The following KCNJ4 variants were observed in gnomAD, a reference collection of about 807,000 sequenced individuals.
The protein encoded by KCNJ4 is inward rectifier potassium channel 4.
A neutral mutation model predicts 25.6 loss-of-function variants in KCNJ4; 3 were observed. That is an observed-to-expected ratio of 0.12 (90% CI 0.05 to 0.30). KCNJ4 has a LOEUF of 0.30. KCNJ4 is among the 10% of genes least tolerant of loss of function. The pLI, the probability that KCNJ4 is intolerant of heterozygous loss-of-function variation, is 1.00. For missense variants in KCNJ4, 286 were observed against 666.8 expected (o/e 0.43, Z 6.29); for synonymous variants, 257 against 283.9 (o/e 0.91, Z 0.95).
At chr22:38,451,045 C>A (rs1274708070) in intron 1 of KCNJ4, among the ~76,000 whole-genome samples, 1 of 152,128 alleles carries the variant, frequency 6.6e-6, no homozygotes, top group Non-Finnish European at 1.5e-5. Context: ...ATCTATAACA[C>A]GGGGACATCA....
At chr22:38,437,778 A>G (rs2089302785) in intron 1 of KCNJ4, among the ~76,000 whole-genome samples, 1 of 152,126 alleles carries the variant, frequency 6.6e-6, no homozygotes, top group South Asian at 2.1e-4. Flanking sequence ...CTGTCCGGAG[A>G]ACTGTATATC....
intron 1 of KCNJ4, among the ~76,000 whole-genome samples, chr22:38,429,496 T>C (rs1344094532): frequency 6.6e-6 from 1 of 152,160 alleles, no homozygotes. Context: ...CATGTCTTCA[T>C]GTAACATGGG....
chr22:38,434,755 CTG>C (rs2093060649), intron 1 of KCNJ4, among the ~76,000 whole-genome samples: 2 of 152,180 alleles, frequency 1.3e-5, no homozygotes, highest in Admixed American at 6.5e-5. Flanking sequence ...CACATGGCCT[CTG>C]TTCAATATGA....
intron 1 of KCNJ4, among the ~76,000 whole-genome samples, chr22:38,435,128 A>T (rs2093061636): frequency 6.6e-6 from 1 of 152,200 alleles, no homozygotes; most frequent in African/African-American, 2.4e-5. Context: ...GGAGACCATC[A>T]TGGCTCCCTG....
At chr22:38,439,802 C>T (rs943718855) in intron 1 of KCNJ4, among the ~76,000 whole-genome samples, 1 of 138,294 alleles carries the variant, frequency 7.2e-6, no homozygotes, top group African/African-American at 2.7e-5. Flanking sequence ...AGAAATACAA[C>T]ATTCCTAGCC....
chr22:38,439,565 A>G (rs2089317184), intron 1 of KCNJ4, among the ~76,000 whole-genome samples: 1 of 152,014 alleles, frequency 6.6e-6, no homozygotes, highest in African/African-American at 2.4e-5. Context: ...TCACGAGGTC[A>G]GGAGATTGAG....
intron 1 of KCNJ4, among the ~76,000 whole-genome samples, chr22:38,446,337 T>A (rs1449548618): frequency 6.6e-6 from 1 of 152,200 alleles, no homozygotes; most frequent in Non-Finnish European, 1.5e-5. Context: ...CTGCCGGGTG[T>A]CTGTTGGGGG....
At chr22:38,430,908 C>A (rs1407579227) in intron 1 of KCNJ4, among the ~76,000 whole-genome samples, 2 of 152,222 alleles carry the variant, frequency 1.3e-5, no homozygotes, top group East Asian at 1.9e-4. Context: ...CAGAGTGGAG[C>A]CAGGTGGGCC....
intron 1 of KCNJ4, among the ~76,000 whole-genome samples, chr22:38,435,167 G>A (rs1184065833): frequency 3.3e-5 from 5 of 152,130 alleles, no homozygotes; most frequent in Non-Finnish European, 7.3e-5. Flanking sequence ...TGTACAAAAC[G>A]AGGCACCCAG....
At chr22:38,429,083 CAAAA>C (rs10582408) in intron 1 of KCNJ4, among the ~76,000 whole-genome samples, 12 of 108,854 alleles carry the variant, frequency 1.1e-4, no homozygotes, top group Non-Finnish European at 1.9e-4. Context: ...GACCCCATGT[CAAAA>C]AAAAAAAAAA....
chr22:38,452,266 G>A (rs894342667), intron 1 of KCNJ4, among the ~76,000 whole-genome samples: 1 of 152,186 alleles, frequency 6.6e-6, no homozygotes, highest in Admixed American at 6.5e-5. Flanking sequence ...GCAAGGGGCT[G>A]CCCAAGGTCA....
At chr22:38,437,648 C>T (rs1473252056) in intron 1 of KCNJ4, among the ~76,000 whole-genome samples, 2 of 152,266 alleles carry the variant, frequency 1.3e-5, no homozygotes, top group African/African-American at 4.8e-5. Context: ...TGGCGTTAAG[C>T]AGTTTGAAGG....
In KCNJ4 at chr22:38,430,330, C is replaced by G. The variant is rs1602633299; in HGVS notation, c.-39-2159G>C. Among the ~76,000 whole-genome samples, 3 of 152,266 alleles carry G rather than the reference C, an allele frequency of 2.0e-5. No homozygotes were observed. The East Asian group carries it at 5.8e-4, about 29-fold the overall frequency. On this transcript the variant is annotated intron_variant, in intron 1 of 1. Coordinates refer to ENST00000303592, the MANE Select transcript of KCNJ4 (RefSeq NM_152868.3). ...CCAGCCTGACCAACATGAAGAAACC[C>G]CGTCTCTACTGAAAATACAAAAATT... is the stretch of plus-strand genomic sequence containing the variant.
intron 1 of KCNJ4, among the ~76,000 whole-genome samples, chr22:38,441,569 G>A (rs2089334004): frequency 6.6e-6 from 1 of 152,132 alleles, no homozygotes; most frequent in African/African-American, 2.4e-5. Context: ...CTAGGGGGAT[G>A]GGGGCTAATG....
Position 38,433,628 on chromosome 22 carries a change from T to G in KCNJ4, c.-39-5457A>C, listed in dbSNP as rs573005113. 4.6e-5 allele frequency among the ~76,000 whole-genome samples: 7 copies of G among 152,306 alleles called. No individual in the cohort carries two copies. The South Asian group carries it at 1.5e-3, about 32-fold the overall frequency. On this transcript the variant is annotated intron_variant, in intron 1 of 1. Transcript: ENST00000303592. ...CACTGCATCCGGCTTTCTCTTAATTTTACTGTGCTGTAAACATCCAAAATC... is the reference window on the plus strand; with the variant it reads ...CACTGCATCCGGCTTTCTCTTAATTGTACTGTGCTGTAAACATCCAAAATC...
intron 1 of KCNJ4, among the ~76,000 whole-genome samples, chr22:38,433,637 T>C (rs2093056851): frequency 6.6e-6 from 1 of 152,186 alleles, no homozygotes; most frequent in Admixed American, 6.5e-5. Flanking sequence ...TTTACTGTGC[T>C]GTAAACATCC....
rs2093032567 is a variant in KCNJ4, at chr22:38,426,464, C to T, written c.*331G>A. 1 of 234,370 alleles carries T rather than the reference C, an allele frequency of 4.3e-6. No individual in the cohort carries two copies. Among genetic ancestry groups the T allele is most frequent in the African/African-American group, 2.3e-5 (1 of 43,922 alleles). 14.5% of individuals were successfully genotyped at this position (234,370 alleles called of 1,614,324 possible). ...CCCACCCTGAAACCCCGAGATGTCC[C>T]CCGCCCAGCAGTCCAGCCACCTTCC... On this transcript the variant is annotated 3_prime_UTR_variant, in exon 2 of 2. Coordinates refer to ENST00000303592, the MANE Select transcript of KCNJ4 (RefSeq NM_152868.3).
At chr22:38,436,006 C>T (rs1329296582) in intron 1 of KCNJ4, among the ~76,000 whole-genome samples, 1 of 152,200 alleles carries the variant, frequency 6.6e-6, no homozygotes, top group Non-Finnish European at 1.5e-5. Context: ...CCCTGGGAGG[C>T]CTGACTCCCT....
At chr22:38,431,351 C>T (rs2093049153) in intron 1 of KCNJ4, among the ~76,000 whole-genome samples, 2 of 152,208 alleles carry the variant, frequency 1.3e-5, no homozygotes, top group Admixed American at 1.3e-4. Context: ...CACTCCTCCC[C>T]ATTATCGAGT....
Sources: allele counts gnomAD v4.1 joint callset (sites outside exome capture counted in the v4.1 genomes callset), GRCh38; gene constraint gnomAD v4.1.1; transcripts MANE v1.5; gene names NCBI Gene and HGNC (gene_info 2026-07-23, HGNC 2026-07-21).